Variants in MEF2A observed in about 807,000 individuals in gnomAD.
MEF2A encodes the protein myocyte enhancer factor 2A.
In MEF2A, 28 loss-of-function variants were observed where a neutral mutation model predicts 55.8. That is an observed-to-expected ratio of 0.50 (90% CI 0.37 to 0.69). The LOEUF is 0.69. MEF2A is among the 30% of genes least tolerant of loss of function. The probability of loss-of-function intolerance (pLI) is 0.00; values close to 1 mark genes in which losing one functional copy is unlikely to be tolerated. For synonymous variants in MEF2A, 239 were observed against 227.1 expected, an observed-to-expected ratio of 1.05 and a Z score of -0.47; for missense variants, 528 against 626.2, an observed-to-expected ratio of 0.84 and a Z score of 1.67.
chr15:99,695,253 G>A (rs2056247109), intron 8 of MEF2A, among the ~76,000 whole-genome samples: 1 of 152,046 alleles, frequency 6.6e-6, no homozygotes, highest in South Asian at 2.1e-4. Flanking sequence ...ACAAAAGATG[G>A]GAGGGAGGAA....
intron 4 of MEF2A, among the ~76,000 whole-genome samples, chr15:99,669,392 C>A (rs912364982): frequency 2.0e-5 from 3 of 152,178 alleles, no homozygotes; most frequent in Non-Finnish European, 2.9e-5. Context: ...TTCCAGTGTT[C>A]TGAGTGTCTA....
At chr15:99,594,659 C>G (rs1014997151) in intron 1 of MEF2A, among the ~76,000 whole-genome samples, 2 of 152,036 alleles carry the variant, frequency 1.3e-5, no homozygotes, top group Non-Finnish European at 2.9e-5. Flanking sequence ...ACCTAGGGCC[C>G]CCTAGTCACT....
Position 99,690,265 on chromosome 15 carries a change from C to T in MEF2A, c.695C>T (p.Ala232Val). The part of the protein sequence containing the change: ...PVGNGFVNSR[A>V]SPNLIGATGA... ...GGGAATGGATTTGTAAACTCAAGAGCTTCTCCAAATTTGATTGGAGCTACT... is the reference window on the plus strand; with the variant it reads ...GGGAATGGATTTGTAAACTCAAGAGTTTCTCCAAATTTGATTGGAGCTACT... Residue 232 changes from alanine (A) to valine (V), a missense_variant, in exon 8 of 12, where the codon GCT becomes GTT. By Grantham distance (64) the Ala-to-Val change is moderately conservative (BLOSUM62 0). This residue lies in a region of MEF2A where 450 missense variants were observed against 475.3 expected (regional missense o/e 0.95). Transcript: ENST00000557942. 1 of 1,613,620 alleles carries T rather than the reference C, an allele frequency of 6.2e-7. No individual in the cohort carries two copies. The highest frequency in any genetic ancestry group is 8.5e-7 in the Non-Finnish European group (1 of 1,179,732).
intron 2 of MEF2A, among the ~76,000 whole-genome samples, chr15:99,623,274 T>C (rs2041534444): frequency 6.6e-6 from 1 of 152,268 alleles, no homozygotes; most frequent in African/African-American, 2.4e-5. Context: ...TTCTATTGTA[T>C]GTATGTACCA....
At position 99,712,905 on chromosome 15, in the gene MEF2A, ATGTGGGTGTGAGTGTGTATG is replaced by A. The variant is rs2058821161; in HGVS notation, c.*145_*164del. ...TATATATCCCTTTACATATATATGTATGTGGGTGTGAGTGTGTATGTGTGGGTGTGTGTTACATACACAGA... is the reference window on the plus strand; with the variant it reads ...TATATATCCCTTTACATATATATGTATGTGGGTGTGTGTTACATACACAGA... On this transcript the variant is annotated 3_prime_UTR_variant, in exon 12 of 12. Coordinates refer to ENST00000557942, the MANE Select transcript of MEF2A (RefSeq NM_001319206.4). This position sits in a 1 kb window ranked among gnomAD's most constrained non-coding sequence, Gnocchi z 4.1. The A allele has an allele frequency of 1.9e-6, 2 of 1,038,246 alleles. No homozygotes were observed. Among genetic ancestry groups the A allele is most frequent in the East Asian group, 2.7e-5 (1 of 36,730 alleles). 64.3% of individuals were successfully genotyped at this position (1,038,246 alleles called of 1,614,324 possible). A position where few individuals can be genotyped will look rare whatever the true frequency, so the allele number is the denominator to read the frequency against.
chr15:99,704,184 A>T (rs1343038773), intron 9 of MEF2A, among the ~76,000 whole-genome samples: 1 of 152,242 alleles, frequency 6.6e-6, no homozygotes, highest in Non-Finnish European at 1.5e-5. Context: ...AGTGCATGAA[A>T]GCATGGGGGA....
chr15:99,706,111 C>A (rs568479595), intron 9 of MEF2A, among the ~76,000 whole-genome samples: 2 of 152,180 alleles, frequency 1.3e-5, no homozygotes, highest in Non-Finnish European at 2.9e-5. Flanking sequence ...GCCCTGTCGG[C>A]AGTACTTGAT....
chr15:99,707,312 G>A (rs1231809952), intron 10 of MEF2A, among the ~76,000 whole-genome samples: 1 of 152,138 alleles, frequency 6.6e-6, no homozygotes, highest in Admixed American at 6.5e-5. Flanking sequence ...GGTGGCCGAC[G>A]TTTGGCTGTG....
At chr15:99,674,683 GTT>G (rs1298063067) in intron 6 of MEF2A, 71 bp downstream of exon 6, 9 of 1,273,636 alleles carry the variant, frequency 7.1e-6, no homozygotes. Context: ...AACATAAGCA[GTT>G]TCTTATTTTG....
chr15:99,641,982 G>C (rs1379625828), intron 3 of MEF2A, among the ~76,000 whole-genome samples: 1 of 151,968 alleles, frequency 6.6e-6, no homozygotes, highest in African/African-American at 2.4e-5. Flanking sequence ...TTTTTTGTTT[G>C]TTTGTTTTTG....
At chr15:99,621,457 T>C (rs1269605352) in intron 2 of MEF2A, among the ~76,000 whole-genome samples, 1 of 152,246 alleles carries the variant, frequency 6.6e-6, no homozygotes, top group Non-Finnish European at 1.5e-5. Context: ...AAATACTAAA[T>C]TTTTAAATGT....
At chr15:99,646,810 A>G (rs1015073861) in intron 4 of MEF2A, among the ~76,000 whole-genome samples, 4 of 152,112 alleles carry the variant, frequency 2.6e-5, no homozygotes, top group Admixed American at 2.0e-4. Context: ...TCAGGCAGTG[A>G]TTGATACCAT....
rs1329440511 is a variant in MEF2A, at chr15:99,633,420, AC to A, written c.54+249del. Among the ~76,000 whole-genome samples, 9 of 152,212 alleles carry A rather than the reference AC, an allele frequency of 5.9e-5. No individual in the cohort carries two copies. The East Asian group carries it at 1.7e-3, about 29-fold the overall frequency. ...CAAAAGTAAAATCACCACAATCCCCACCATTACCAATCCATTGTATAGATTT... is the reference window on the plus strand; with the variant it reads ...CAAAAGTAAAATCACCACAATCCCCACATTACCAATCCATTGTATAGATTT... On this transcript the variant is annotated intron_variant, in intron 3 of 11. Transcript: ENST00000557942.
chr15:99,610,354 C>T (rs1299158132), intron 2 of MEF2A, among the ~76,000 whole-genome samples: 1 of 149,542 alleles, frequency 6.7e-6, no homozygotes, highest in East Asian at 2.0e-4. Flanking sequence ...TTATAGTCAT[C>T]CCAAATTAAT....
At chr15:99,699,548 TAAAA>T (rs777150125) in intron 8 of MEF2A, among the ~76,000 whole-genome samples, 3 of 152,134 alleles carry the variant, frequency 2.0e-5, no homozygotes, top group African/African-American at 4.8e-5. Context: ...TGCAATTTAG[TAAAA>T]AAAGATTCCG....
Position 99,592,622 on chromosome 15 carries a change from G to A in MEF2A, c.-224-5808G>A, listed in dbSNP as rs181489016. 6.2e-4 allele frequency among the ~76,000 whole-genome samples: 94 copies of A among 152,286 alleles called. 1 individual carries two copies. Among genetic ancestry groups the A allele is most frequent in the African/African-American group, 1.6e-3 (66 of 41,550 alleles). On this transcript the variant is annotated intron_variant, in intron 1 of 11. Coordinates refer to ENST00000557942, the MANE Select transcript of MEF2A (RefSeq NM_001319206.4). ...CATCTGCTTCCAGATGAGTGTGTCA[G>A]GAATGTTACAGTCATGGTGAAAGGG...
At chr15:99,668,862 G>A (rs954991316) in intron 4 of MEF2A, among the ~76,000 whole-genome samples, 8 of 152,214 alleles carry the variant, frequency 5.3e-5, no homozygotes, top group African/African-American at 1.9e-4. Context: ...TTTTATGGTA[G>A]TTGGGTCCTC....
At position 99,588,119 on chromosome 15, in the gene MEF2A, T is replaced by G. The variant is rs578000243; in HGVS notation, c.-224-10311T>G. Among the ~76,000 whole-genome samples the G allele has an allele frequency of 2.6e-5, 4 of 152,126 alleles. No individual in the cohort carries two copies. In the East Asian group the frequency reaches 7.7e-4, roughly 29 times the overall value. On this transcript the variant is annotated intron_variant, in intron 1 of 11. Transcript: ENST00000557942. ...TTCTTTTTTAGTTTGCTGAGGTGTT[T>G]TGTTTTGTTTTGTTTTGAGACAGGG...
intron 7 of MEF2A, among the ~76,000 whole-genome samples, chr15:99,684,647 C>T (rs1178750376): frequency 6.6e-6 from 1 of 152,158 alleles, no homozygotes; most frequent in Non-Finnish European, 1.5e-5. Context: ...TTCTCCCACT[C>T]TCTGGGTTGT....
Sources: gnomAD v4.1 joint callset for allele counts (sites outside exome capture counted in the v4.1 genomes callset) on GRCh38, gnomAD v4.1.1 for gene constraint, gnomAD v4.1.1 regional missense constraint, Gnocchi (gnomAD v3.1) non-coding constraint, MANE v1.5 for transcripts, NCBI Gene and HGNC (gene_info 2026-07-23, HGNC 2026-07-21) for gene names.